The following OPA1 variants were observed in gnomAD, a reference collection of about 807,000 sequenced individuals.
OPA1 encodes the protein OPA1 mitochondrial dynamin like GTPase, also known as dynamin-like GTPase OPA1, mitochondrial.
In OPA1, 59 loss-of-function variants were observed where a neutral mutation model predicts 152.9. That is an observed-to-expected ratio of 0.39 (90% CI 0.31 to 0.48). OPA1 has a LOEUF of 0.48. OPA1 is among the 20% of genes least tolerant of loss of function. The probability of loss-of-function intolerance (pLI) is 0.96; values close to 1 mark genes in which losing one functional copy is unlikely to be tolerated. For missense variants in OPA1, 1,008 were observed against 1,216.8 expected (o/e 0.83, Z 2.55); for synonymous variants, 400 against 389.9 (o/e 1.03, Z -0.31).
chr3:193,679,603 TA>T (rs1719801690), intron 29 of OPA1, among the ~76,000 whole-genome samples: 1 of 152,184 alleles, frequency 6.6e-6, no homozygotes, highest in Admixed American at 6.5e-5. Context: ...GGACTTTTTT[TA>T]AAGAATTGTT....
intron 1 of OPA1, among the ~76,000 whole-genome samples, chr3:193,596,299 TC>T (rs1410572082): frequency 2.7e-5 from 3 of 109,280 alleles, no homozygotes; most frequent in African/African-American, 1.1e-4. Context: ...TCGCAACTTT[TC>T]TTTTCTTTTC....
chr3:193,684,988 A>AT (rs1720736971), intron 29 of OPA1, among the ~76,000 whole-genome samples: 1 of 152,130 alleles, frequency 6.6e-6, no homozygotes, highest in Non-Finnish European at 1.5e-5. Flanking sequence ...TTGTGTTATA[A>AT]GAGTTTATTT....
At chr3:193,598,769 C>T (rs571339419) in intron 1 of OPA1, among the ~76,000 whole-genome samples, 3 of 152,242 alleles carry the variant, frequency 2.0e-5, no homozygotes, top group South Asian at 4.1e-4. Flanking sequence ...CCATTTTAAC[C>T]GATTAAGAAA....
intron 28 of OPA1, among the ~76,000 whole-genome samples, chr3:193,666,646 G>GGGT (rs1716615800): frequency 6.6e-6 from 1 of 151,994 alleles, no homozygotes; most frequent in African/African-American, 2.4e-5. Flanking sequence ...TAAATTAGCC[G>GGGT]GGCATGGTGG....
chr3:193,655,353 T>G (rs1276533405), intron 22 of OPA1, among the ~76,000 whole-genome samples: 1 of 152,222 alleles, frequency 6.6e-6, no homozygotes, highest in Non-Finnish European at 1.5e-5. Flanking sequence ...GAACATTTTC[T>G]GTGGATTCTG....
chr3:193,668,195 T>G, intron 29 of OPA1: 1 of 673,104 alleles, frequency 1.5e-6, no homozygotes, highest in Non-Finnish European at 2.5e-6. Context: ...CTTTCGATAT[T>G]TGTCACTTGC....
At chr3:193,668,500 A>T (rs747152047) in intron 29 of OPA1, 1 of 1,547,438 alleles carries the variant, frequency 6.5e-7, no homozygotes, top group South Asian at 1.2e-5. Flanking sequence ...TCTCCATCTC[A>T]TCCTTCCCAC....
At chr3:193,693,367 C>T (rs186010813) in intron 30 of OPA1, among the ~76,000 whole-genome samples, 32 of 152,292 alleles carry the variant, frequency 2.1e-4, no homozygotes, top group Admixed American at 1.1e-3. Context: ...CAGGCCAGTG[C>T]GGTGGCTCAC....
chr3:193,626,166 C>T lies in OPA1; in HGVS notation c.753C>T (p.Gly251=). The T allele has an allele frequency of 6.2e-7, 1 of 1,614,042 alleles. No individual in the cohort carries two copies. Among genetic ancestry groups the T allele is most frequent in the Non-Finnish European group, 8.5e-7 (1 of 1,179,970 alleles). Residue 251 remains glycine (G), a synonymous_variant, in exon 7 of 31, where the codon GGC becomes GGT. Transcript: ENST00000361510. ...AAGAGGAAGCGCGCAGAGCCGCTGG[C>T]CAATATAGCACGAGCTATGCCCAAC... ...EHEEEARRAA[G]QYSTSYAQQK... is the part of the protein sequence containing the mutation.
chr3:193,671,151 A>G (rs1717838737), intron 29 of OPA1, among the ~76,000 whole-genome samples: 1 of 152,242 alleles, frequency 6.6e-6, no homozygotes, highest in South Asian at 2.1e-4. Flanking sequence ...GAAAATATGT[A>G]CTAATTAAAA....
At chr3:193,673,182 A>G (rs1339071577) in intron 29 of OPA1, among the ~76,000 whole-genome samples, 1 of 152,156 alleles carries the variant, frequency 6.6e-6, no homozygotes, top group Non-Finnish European at 1.5e-5. Flanking sequence ...ATCATTTGGG[A>G]GGGAGTAAAA....
chr3:193,604,860 C>CAAAAAAAAAAAAAA (rs55904490), intron 1 of OPA1, among the ~76,000 whole-genome samples: 6 of 104,570 alleles, frequency 5.7e-5, no homozygotes, highest in African/African-American at 2.3e-4. Context: ...AACTCCATCT[C>CAAAAAAAAAAAAAA]AAAAAAAAAA....
intron 21 of OPA1, among the ~76,000 whole-genome samples, chr3:193,651,730 A>G (rs1425052457): frequency 2.6e-5 from 4 of 152,192 alleles, no homozygotes; most frequent in Non-Finnish European, 5.9e-5. Flanking sequence ...ATAAAACAGT[A>G]TGTATAATTA....
chr3:193,635,979 G>A (rs990620374), intron 9 of OPA1, among the ~76,000 whole-genome samples: 2 of 152,044 alleles, frequency 1.3e-5, no homozygotes, highest in African/African-American at 2.4e-5. Flanking sequence ...AAGAACTTTC[G>A]AAAAAGTGTG....
chr3:193,684,160 A>G (rs1720596697), intron 29 of OPA1, among the ~76,000 whole-genome samples: 1 of 152,196 alleles, frequency 6.6e-6, no homozygotes, highest in South Asian at 2.1e-4. Flanking sequence ...ATGGCTACAC[A>G]TAATCATGAA....
rs112597564 is a variant in OPA1 at position 193,609,169 on chromosome 3, C to T, written c.33-5554C>T. 2.6e-3 allele frequency among the ~76,000 whole-genome samples: 391 copies of T among 152,080 alleles called. 2 individuals carry two copies. The highest frequency in any genetic ancestry group is 5.0e-3 in the African/African-American group (207 of 41,470). ...TGACTCTTTATCCAATTTGCCAGTC[C>T]GTGTCTTTTAATTGGAGCATTTAGC... is the stretch of plus-strand genomic sequence containing the variant. On this transcript the variant is annotated intron_variant, in intron 1 of 30. Transcript: ENST00000361510.
chr3:193,614,089 C>A, intron 1 of OPA1: 1 of 418,160 alleles, frequency 2.4e-6, no homozygotes, highest in Non-Finnish European at 4.7e-6. Context: ...TCAATGTGTA[C>A]ATTTAAATTC....
chr3:193,646,490 G>A (rs1734636445), intron 18 of OPA1: 1 of 152,366 alleles, frequency 6.6e-6, no homozygotes, highest in Non-Finnish European at 1.5e-5. Flanking sequence ...TAAAGGCATG[G>A]TGGCTCACAC....
chr3:193,654,973 G>A lies in OPA1; in HGVS notation c.2124G>A (p.Val708=). ...TMNSGTFNTT[V]DIKLKQWTDK... ...ATTCAGGAACTTTTAACACCACAGTGGATATCAAGCTTAAACAGTGGACTG... is the reference window on the plus strand; with the variant it reads ...ATTCAGGAACTTTTAACACCACAGTAGATATCAAGCTTAAACAGTGGACTG... The change falls in exon 22 of 31, where the codon GTG becomes GTA. Residue 708 remains valine, a synonymous_variant. Transcript: ENST00000361510. 6.2e-7 allele frequency: 1 copy of A among 1,613,890 alleles called. No individual in the cohort carries two copies. Among genetic ancestry groups the A allele is most frequent in the Non-Finnish European group, 8.5e-7 (1 of 1,179,912 alleles).
Sources: allele counts gnomAD v4.1 joint callset (sites outside exome capture counted in the v4.1 genomes callset), GRCh38; gene constraint gnomAD v4.1.1; transcripts MANE v1.5; gene names NCBI Gene and HGNC (gene_info 2026-07-23, HGNC 2026-07-21).